Variants in CACNA1C observed in about 807,000 individuals in gnomAD.
CACNA1C encodes calcium voltage-gated channel subunit alpha1 C, also known as voltage-dependent L-type calcium channel subunit alpha-1C.
A neutral mutation model predicts 229.0 loss-of-function variants in CACNA1C; 30 were observed. The observed-to-expected ratio is 0.13, with a 90% CI of 0.10 to 0.18. The LOEUF (loss-of-function observed/expected upper bound fraction) is 0.18, where lower values mean the gene tolerates loss of function less well. CACNA1C is among the 10% of genes least tolerant of loss of function. The pLI is 1.00. For missense variants in CACNA1C, 1,658 were observed against 2,845.0 expected (o/e 0.58, Z 9.49); for synonymous variants, 1,114 against 1,132.5 (o/e 0.98, Z 0.33).
chr12:2,380,529 C>A (rs1028611247), intron 3 of CACNA1C, among the ~76,000 whole-genome samples: 6 of 152,078 alleles, frequency 3.9e-5, no homozygotes, highest in Admixed American at 3.9e-4. Context: ...TGTTTTTCAC[C>A]CCTCTGGGAG....
intron 38 of CACNA1C, among the ~76,000 whole-genome samples, chr12:2,669,780 C>G (rs1341827590): frequency 6.6e-6 from 1 of 152,182 alleles, no homozygotes; most frequent in East Asian, 1.9e-4. Flanking sequence ...GGTGAGGATT[C>G]AGACCTCACC....
intron 1 of CACNA1C, among the ~76,000 whole-genome samples, chr12:2,005,098 A>T (rs1352345517): frequency 6.6e-6 from 1 of 151,950 alleles, no homozygotes; most frequent in South Asian, 2.1e-4. Flanking sequence ...ACCAAACTGT[A>T]TTGCTAGTCA....
chr12:2,509,686 G>A (rs1437024996), intron 8 of CACNA1C, among the ~76,000 whole-genome samples: 1 of 151,994 alleles, frequency 6.6e-6, no homozygotes, highest in African/African-American at 2.4e-5. Context: ...TTATGCTTGG[G>A]GCCATTTTAA....
intron 9 of CACNA1C, among the ~76,000 whole-genome samples, chr12:2,530,932 C>T (rs534951909): frequency 6.6e-6 from 1 of 152,328 alleles, no homozygotes; most frequent in South Asian, 2.1e-4. Flanking sequence ...AGAGTACCGC[C>T]TCCAGGCGAC....
At chr12:2,089,241 CCT>C (rs1326795016) in intron 1 of CACNA1C, among the ~76,000 whole-genome samples, 1 of 152,226 alleles carries the variant, frequency 6.6e-6, no homozygotes, top group Non-Finnish European at 1.5e-5. Context: ...CTAAACCACC[CCT>C]GTCTGTCCCC....
chr12:2,303,622 G>A (rs2094759711), intron 3 of CACNA1C, among the ~76,000 whole-genome samples: 1 of 152,114 alleles, frequency 6.6e-6, no homozygotes, highest in Non-Finnish European at 1.5e-5. Context: ...AAACAAAATA[G>A]TATGCTACCT....
At chr12:2,063,951 ACTTC>A (rs2058449582) in intron 1 of CACNA1C, among the ~76,000 whole-genome samples, 2 of 152,224 alleles carry the variant, frequency 1.3e-5, no homozygotes, top group Admixed American at 1.3e-4. Flanking sequence ...TTAAGAGCCC[ACTTC>A]CTTGGGTAGT....
intron 3 of CACNA1C, among the ~76,000 whole-genome samples, chr12:2,147,849 G>A (rs2094865822): frequency 6.6e-6 from 1 of 151,008 alleles, no homozygotes; most frequent in Admixed American, 6.7e-5. Context: ...TCACACTTGA[G>A]TTTTCATGTT....
At chr12:2,063,504 C>T (rs2058286215) in intron 1 of CACNA1C, among the ~76,000 whole-genome samples, 1 of 152,152 alleles carries the variant, frequency 6.6e-6, no homozygotes, top group Non-Finnish European at 1.5e-5. Context: ...CTGTTGATAA[C>T]ATATCTCACA....
intron 3 of CACNA1C, among the ~76,000 whole-genome samples, chr12:2,364,779 C>G (rs896823838): frequency 6.6e-6 from 1 of 151,996 alleles, no homozygotes; most frequent in Non-Finnish European, 1.5e-5. Flanking sequence ...CAGAGACTGC[C>G]GTACAGAACT....
chr12:2,386,972 T>C (rs972720729), intron 3 of CACNA1C, among the ~76,000 whole-genome samples: 1 of 152,246 alleles, frequency 6.6e-6, no homozygotes, highest in South Asian at 2.1e-4. Context: ...CTGAGCTTGC[T>C]GCTGCTAGAC....
chr12:2,118,491 C>A (rs1282435245), intron 2 of CACNA1C, among the ~76,000 whole-genome samples: 2 of 152,268 alleles, frequency 1.3e-5, no homozygotes, highest in East Asian at 3.8e-4. Context: ...AACACTGAGA[C>A]TGCCTGAGCT....
chr12:2,166,773 A>C (rs972730983), intron 3 of CACNA1C, among the ~76,000 whole-genome samples: 1 of 152,240 alleles, frequency 6.6e-6, no homozygotes, highest in Non-Finnish European at 1.5e-5. Flanking sequence ...GCAGAGGATT[A>C]GTAGGCACGT....
In CACNA1C at chr12:2,387,409, C is replaced by T. The variant is rs569478316; in HGVS notation, c.478-61567C>T. On this transcript the variant is annotated intron_variant, in intron 3 of 46. Coordinates refer to ENST00000399655, the MANE Select transcript of CACNA1C (RefSeq NM_000719.7). ...CTGACACAGGAGAATCGCTTGAAAC[C>T]GGGAGGCAGGGGTTGCAGTGAGCCG... is the stretch of plus-strand genomic sequence containing the variant. Among the ~76,000 whole-genome samples, 19 of 152,132 alleles carry T rather than the reference C, an allele frequency of 1.2e-4. No homozygotes were observed. In the East Asian group the frequency reaches 2.7e-3, roughly 22 times the overall value.
intron 2 of CACNA1C, 56 bp downstream of exon 2, chr12:2,115,601 C>G: frequency 1.3e-6 from 2 of 1,544,738 alleles, no homozygotes; most frequent in South Asian, 2.3e-5. Flanking sequence ...CTGGGTCCAG[C>G]CCTCCGAGGC....
rs114115245 is a variant in CACNA1C at position 2,346,089 on chromosome 12, C to T, written c.478-102887C>T. 2.0e-5 allele frequency among the ~76,000 whole-genome samples: 3 copies of T among 152,230 alleles called. No homozygotes were observed. Among genetic ancestry groups the T allele is most frequent in the Admixed American group, 6.5e-5 (1 of 15,290 alleles). On this transcript the variant is annotated intron_variant, in intron 3 of 46. Transcript: ENST00000399655. The surrounding 1 kb of genome is among the most constrained non-coding windows in gnomAD (Gnocchi z 4.4). ...ACAGCCTCTGTGTTCCATTTAGAAC[C>T]GCTGAAGCTCCCCAGGTGCACCAGG...
intron 3 of CACNA1C, among the ~76,000 whole-genome samples, chr12:2,183,523 C>T (rs896317519): frequency 6.6e-6 from 1 of 152,244 alleles, no homozygotes; most frequent in Non-Finnish European, 1.5e-5. Context: ...AGTTTGAAGA[C>T]GTGCTAACAA....
At chr12:2,315,812 C>A (rs191181614) in intron 3 of CACNA1C, among the ~76,000 whole-genome samples, 21 of 152,226 alleles carry the variant, frequency 1.4e-4, no homozygotes, top group Admixed American at 1.3e-3. Flanking sequence ...TGCTGGCTTC[C>A]CCAGAACAGA....
intron 1 of CACNA1C, among the ~76,000 whole-genome samples, chr12:2,107,645 T>C (rs2079667873): frequency 6.6e-6 from 1 of 152,250 alleles, no homozygotes; most frequent in African/African-American, 2.4e-5. Context: ...GTGATGAAAA[T>C]ATTAGACACT....
Sources: allele counts gnomAD v4.1 joint callset (sites outside exome capture counted in the v4.1 genomes callset), GRCh38; gene constraint gnomAD v4.1.1; non-coding constraint Gnocchi (gnomAD v3.1); transcripts MANE v1.5; gene names NCBI Gene and HGNC (gene_info 2026-07-23, HGNC 2026-07-21).